Variants in RGS7 observed in about 807,000 individuals in gnomAD.
The protein encoded by RGS7 is regulator of G-protein signaling 7.
A neutral mutation model predicts 81.1 loss-of-function variants in RGS7; 27 were observed. The ratio of observed to expected loss-of-function variants is 0.33; its 90% CI spans 0.25 to 0.46. The LOEUF (loss-of-function observed/expected upper bound fraction) is 0.46. Ranked by LOEUF, RGS7 falls within the 20% of genes least tolerant of loss-of-function variation. The probability of loss-of-function intolerance (pLI) is 1.00; values close to 1 mark genes in which losing one functional copy is unlikely to be tolerated. For synonymous variants in RGS7, 208 were observed against 207.7 expected, an observed-to-expected ratio of 1.00 and a Z score of -0.01; for missense variants, 396 against 607.4, an observed-to-expected ratio of 0.65 and a Z score of 3.66.
At chr1:241,285,543 C>A (rs535862234) in intron 2 of RGS7, among the ~76,000 whole-genome samples, 87 of 152,248 alleles carry the variant, frequency 5.7e-4, no homozygotes, top group African/African-American at 2.0e-3. Flanking sequence ...TCACAATAAC[C>A]TTTTAAAGTA....
chr1:240,924,957 T>G (rs1674177179), intron 6 of RGS7, among the ~76,000 whole-genome samples: 1 of 152,118 alleles, frequency 6.6e-6, no homozygotes, highest in Non-Finnish European at 1.5e-5. Flanking sequence ...TTGGGTGTGA[T>G]GGGTGAGATG....
At position 241,271,972 on chromosome 1, in the gene RGS7, T is replaced by C. The variant is rs1420100954; in HGVS notation, c.78+83727A>G. On this transcript the variant is annotated intron_variant, in intron 2 of 18. Transcript: ENST00000440928. This position sits in a 1 kb window ranked among gnomAD's most constrained non-coding sequence, Gnocchi z 4.6. The stretch of plus-strand genomic sequence containing the variant: ...TTCTGTTTCTCTGGAGAACCCTGAC[T>C]ACTAGAATTTCTTTTTTTTTTTTTT... 7.0e-6 allele frequency among the ~76,000 whole-genome samples: 1 copy of C among 142,992 alleles called. No homozygotes were observed. The highest frequency in any genetic ancestry group is 2.4e-4 in the South Asian group (1 of 4,236). 93.8% of individuals were successfully genotyped at this position (142,992 alleles called of 152,430 possible). A position where few individuals can be genotyped will look rare whatever the true frequency, so the allele number is the denominator to read the frequency against.
chr1:241,017,957 G>C (rs1032068292), intron 3 of RGS7, among the ~76,000 whole-genome samples: 1 of 151,300 alleles, frequency 6.6e-6, no homozygotes, highest in Admixed American at 6.6e-5. Context: ...TGACTGCTTT[G>C]TCTCTCTATT....
At chr1:240,939,703 AG>A (rs997610528) in intron 4 of RGS7, among the ~76,000 whole-genome samples, 5 of 152,100 alleles carry the variant, frequency 3.3e-5, no homozygotes, top group African/African-American at 1.2e-4. Context: ...TTCCTCTGGG[AG>A]GGGTATCTTG....
intron 2 of RGS7, among the ~76,000 whole-genome samples, chr1:241,209,095 AAATT>A (rs1337516284): frequency 1.3e-5 from 2 of 152,174 alleles, no homozygotes; most frequent in Non-Finnish European, 2.9e-5. Context: ...TTCCCAAAGA[AAATT>A]AATTATTAAA....
chr1:241,110,271 A>T (rs1344859945), intron 2 of RGS7, among the ~76,000 whole-genome samples: 2 of 152,292 alleles, frequency 1.3e-5, no homozygotes, highest in East Asian at 3.9e-4. Context: ...TAGTCTTATC[A>T]TCGGCCCCCT....
chr1:240,895,218 A>C (rs1162063138), intron 6 of RGS7, among the ~76,000 whole-genome samples: 1 of 152,092 alleles, frequency 6.6e-6, no homozygotes, highest in African/African-American at 2.4e-5. Context: ...ATGCTTCCTG[A>C]ACAGCCTGCA....
chr1:241,174,440 C>T (rs1447077582), intron 2 of RGS7, among the ~76,000 whole-genome samples: 1 of 152,168 alleles, frequency 6.6e-6, no homozygotes, highest in African/African-American at 2.4e-5. Context: ...TGGTTCAGAT[C>T]CACAGAATGA....
chr1:241,009,340 G>A (rs369446191), intron 3 of RGS7, among the ~76,000 whole-genome samples: 4 of 152,286 alleles, frequency 2.6e-5, no homozygotes, highest in African/African-American at 9.6e-5. Flanking sequence ...CAGCTTGGGA[G>A]CACTGACCCC....
intron 6 of RGS7, among the ~76,000 whole-genome samples, chr1:240,875,227 T>C (rs912254058): frequency 6.6e-6 from 1 of 152,160 alleles, no homozygotes; most frequent in Non-Finnish European, 1.5e-5. Flanking sequence ...ACCATTCTAC[T>C]TTTTGCTTCT....
intron 2 of RGS7, among the ~76,000 whole-genome samples, chr1:241,116,080 C>T (rs1444204104): frequency 6.6e-6 from 1 of 152,150 alleles, no homozygotes; most frequent in Non-Finnish European, 1.5e-5. Context: ...AGTCATACTT[C>T]CTGTTAAGCC....
intron 2 of RGS7, among the ~76,000 whole-genome samples, chr1:241,270,814 GT>G (rs1317582799): frequency 2.0e-5 from 3 of 150,564 alleles, no homozygotes; most frequent in Non-Finnish European, 4.4e-5. Flanking sequence ...CTGGAGTCCA[GT>G]TGGCGCCATC....
intron 2 of RGS7, among the ~76,000 whole-genome samples, chr1:241,335,160 G>A (rs2082173221): frequency 6.6e-6 from 1 of 152,156 alleles, no homozygotes; most frequent in Non-Finnish European, 1.5e-5. Flanking sequence ...AGGGGGAGAG[G>A]AGGAAGTTAT....
chr1:241,141,124 G>T (rs894121066), intron 2 of RGS7, among the ~76,000 whole-genome samples: 1 of 152,126 alleles, frequency 6.6e-6, no homozygotes, highest in African/African-American at 2.4e-5. Flanking sequence ...CCATACAGGC[G>T]TTTTTTAGTA....
At chr1:240,999,136 T>C (rs1034572992) in intron 3 of RGS7, among the ~76,000 whole-genome samples, 6 of 152,146 alleles carry the variant, frequency 3.9e-5, no homozygotes, top group African/African-American at 1.2e-4. Context: ...TGTTGTCCTT[T>C]TCAGTCCTAA....
intron 3 of RGS7, among the ~76,000 whole-genome samples, chr1:241,007,036 C>A (rs1031316866): frequency 3.9e-5 from 6 of 152,142 alleles, no homozygotes; most frequent in African/African-American, 1.4e-4. Context: ...CCTGTCTCAG[C>A]CTCCTGAGTA....
chr1:241,312,753 G>C (rs1420596649), intron 2 of RGS7, among the ~76,000 whole-genome samples: 11 of 152,252 alleles, frequency 7.2e-5, no homozygotes, highest in African/African-American at 2.4e-4. Flanking sequence ...TAAGTGTTAA[G>C]TAAAAGGAAG....
At chr1:240,819,658 G>T (rs1029318033) in intron 10 of RGS7, among the ~76,000 whole-genome samples, 11 of 152,074 alleles carry the variant, frequency 7.2e-5, no homozygotes, top group African/African-American at 2.4e-4. Flanking sequence ...GAATCACGTG[G>T]ACCCAGGAGG....
chr1:241,117,638 AG>A (rs1441285793), intron 2 of RGS7, among the ~76,000 whole-genome samples: 1 of 152,190 alleles, frequency 6.6e-6, no homozygotes, highest in African/African-American at 2.4e-5. Context: ...TGACAGGAAA[AG>A]ATTGTTTGCA....
Sources: gnomAD v4.1 joint callset for allele counts (sites outside exome capture counted in the v4.1 genomes callset) on GRCh38, gnomAD v4.1.1 for gene constraint, Gnocchi (gnomAD v3.1) non-coding constraint, MANE v1.5 for transcripts, NCBI Gene and HGNC (gene_info 2026-07-23, HGNC 2026-07-21) for gene names.